The following SH3RF3 variants were observed in gnomAD, a reference collection of about 807,000 sequenced individuals.
SH3RF3 encodes the protein SH3 domain containing ring finger 3.
Under a neutral mutation model 66.3 loss-of-function variants are expected in SH3RF3, and 29 were observed. The observed-to-expected ratio is 0.44, with a 90% CI of 0.33 to 0.60. SH3RF3 has a LOEUF of 0.60. Ranked by LOEUF, SH3RF3 falls within the 20% of genes least tolerant of loss-of-function variation. SH3RF3 has a pLI of 0.04. For missense variants in SH3RF3, 1,194 were observed against 1,190.9 expected (o/e 1.00, Z -0.04); for synonymous variants, 583 against 532.0 (o/e 1.10, Z -1.32).
chr2:109,420,367 G>A (rs1676839238), intron 5 of SH3RF3, among the ~76,000 whole-genome samples: 1 of 150,694 alleles, frequency 6.6e-6, no homozygotes, highest in Non-Finnish European at 1.5e-5. Context: ...TGAATGCAGG[G>A]TGGGTAGACG....
intron 5 of SH3RF3, among the ~76,000 whole-genome samples, chr2:109,429,901 G>A (rs1677144632): frequency 6.6e-6 from 1 of 152,166 alleles, no homozygotes; most frequent in South Asian, 2.1e-4. Flanking sequence ...GTAGCCTGGA[G>A]GGAGAAGTGG....
intron 4 of SH3RF3, among the ~76,000 whole-genome samples, chr2:109,404,704 C>G (rs1676410131): frequency 1.3e-5 from 2 of 152,106 alleles, no homozygotes; most frequent in South Asian, 4.2e-4. Flanking sequence ...TTGCGGAAGG[C>G]CCATTCTCAT....
chr2:109,336,976 A>G (rs1226046889), intron 1 of SH3RF3, among the ~76,000 whole-genome samples: 1 of 152,206 alleles, frequency 6.6e-6, no homozygotes, highest in Non-Finnish European at 1.5e-5. Flanking sequence ...AATTAGTGTA[A>G]AGCAGACAAA....
chr2:109,181,426 G>A (rs930940171), intron 1 of SH3RF3, among the ~76,000 whole-genome samples: 1 of 152,122 alleles, frequency 6.6e-6, no homozygotes, highest in African/African-American at 2.4e-5. Context: ...AGTCTAGAAT[G>A]GCATGTTGCA....
chr2:109,246,997 C>G (rs114856302), intron 1 of SH3RF3, among the ~76,000 whole-genome samples: 200 of 152,366 alleles, frequency 1.3e-3, no homozygotes, highest in African/African-American at 4.4e-3. Context: ...TGGTTAGTCT[C>G]TTTCTGGTCG....
intron 1 of SH3RF3, chr2:109,251,498 A>G (rs1291842344): frequency 1.3e-5 from 10 of 742,384 alleles, no homozygotes. Flanking sequence ...GGTGGCAGAC[A>G]TGTCCAAGGA....
chr2:109,293,342 G>A (rs1399289510), intron 1 of SH3RF3, among the ~76,000 whole-genome samples: 1 of 152,248 alleles, frequency 6.6e-6, no homozygotes, highest in Non-Finnish European at 1.5e-5. Context: ...GTGTCCATTT[G>A]TGTGTCATCA....
At chr2:109,194,740 G>A (rs17197448) in intron 1 of SH3RF3, among the ~76,000 whole-genome samples, 4,594 of 152,294 alleles carry the variant, frequency 0.03, 98 homozygotes, top group Non-Finnish European at 0.045. Flanking sequence ...GCAGGCCGGG[G>A]ATGCTTCCAA....
rs137975399 is a variant in SH3RF3 at position 109,403,244 on chromosome 2, C to T, written c.1299+4301C>T. ...GCGCACTGTCCGAGGCTGGCCTCCT[C>T]CCCGCAGCTGTTAGGGGTGCGTCTG... is the stretch of plus-strand genomic sequence containing the variant. On this transcript the variant is annotated intron_variant, in intron 4 of 9. Transcript: ENST00000309415. Among the ~76,000 whole-genome samples, 55 of 152,338 alleles carry T rather than the reference C, an allele frequency of 3.6e-4. No homozygotes were observed. The East Asian group carries it at 0.01, about 29-fold the overall frequency.
intron 9 of SH3RF3, among the ~76,000 whole-genome samples, chr2:109,499,724 G>A (rs1405716649): frequency 6.6e-6 from 1 of 152,216 alleles, no homozygotes; most frequent in African/African-American, 2.4e-5. Flanking sequence ...CCTCCTCTGT[G>A]GCTTGCAGGA....
rs2104586787 is a variant in SH3RF3 at position 109,437,048 on chromosome 2, C to T, written c.1730C>T (p.Ala577Val). 1 of 1,613,836 alleles carries T rather than the reference C, an allele frequency of 6.2e-7. No individual in the cohort carries two copies. Among genetic ancestry groups the T allele is most frequent in the Non-Finnish European group, 8.5e-7 (1 of 1,179,898 alleles). ...GCCCTGCCCATCACCACTCCCCAGG[C>T]CCACGCCCAGCACCCCACAGCCTCG... Reference protein sequence around the residue: ...RPALPITTPQAHAQHPTASPP... With the variant: ...RPALPITTPQVHAQHPTASPP... Residue 577 changes from alanine (A) to valine (V), a missense_variant, in exon 7 of 10, where the codon GCC becomes GTC. By Grantham distance (64) the Ala-to-Val change is moderately conservative (BLOSUM62 0). Coordinates refer to ENST00000309415, the MANE Select transcript of SH3RF3 (RefSeq NM_001099289.3).
chr2:109,362,233 G>A (rs866230757), intron 2 of SH3RF3, among the ~76,000 whole-genome samples: 17 of 151,896 alleles, frequency 1.1e-4, no homozygotes, highest in African/African-American at 3.1e-4. Flanking sequence ...CTACTTTTGC[G>A]GCATCTCACA....
chr2:109,477,564 C>T (rs1678716198), intron 8 of SH3RF3, among the ~76,000 whole-genome samples: 1 of 152,282 alleles, frequency 6.6e-6, no homozygotes, highest in Middle Eastern at 3.4e-3. Flanking sequence ...ACTGGGGTCA[C>T]AGCGCCTGTT....
chr2:109,449,267 C>T lies in SH3RF3; in HGVS notation c.1926C>T (p.Leu642=), dbSNP rs755003149. The change falls in exon 8 of 10, where the codon CTC becomes CTT. Residue 642 remains leucine (L), a synonymous_variant. Transcript: ENST00000309415. The stretch of plus-strand genomic sequence containing the variant: ...CATCCCGCCTGCCTGCCACCAGCCT[C>T]AGGCCCCACTCGGTGGTGTCCCCGC... ...NSPSRLPATS[L]RPHSVVSPQH... 9.9e-6 allele frequency: 16 copies of T among 1,612,254 alleles called. No homozygotes were observed. Among genetic ancestry groups the T allele is most frequent in the African/African-American group, 2.7e-5 (2 of 74,902 alleles).
chr2:109,162,402 T>C (rs1364720016), intron 1 of SH3RF3, among the ~76,000 whole-genome samples: 3 of 152,156 alleles, frequency 2.0e-5, no homozygotes, highest in Non-Finnish European at 4.4e-5. Flanking sequence ...TTTTTAAATT[T>C]ATTTATTTAT....
At chr2:109,457,018 C>A (rs1678078669) in intron 8 of SH3RF3, among the ~76,000 whole-genome samples, 1 of 152,164 alleles carries the variant, frequency 6.6e-6, no homozygotes, top group Non-Finnish European at 1.5e-5. Flanking sequence ...CTGGGGTCGG[C>A]TGCCTAGTGT....
intron 8 of SH3RF3, among the ~76,000 whole-genome samples, chr2:109,455,389 A>G (rs926421201): frequency 1.3e-5 from 2 of 152,184 alleles, no homozygotes; most frequent in East Asian, 1.9e-4. Context: ...TGCAAACCCA[A>G]TTTGGTCTGA....
intron 1 of SH3RF3, among the ~76,000 whole-genome samples, chr2:109,295,861 C>G (rs979238159): frequency 1.9e-4 from 29 of 152,156 alleles, no homozygotes; most frequent in Admixed American, 2.6e-4. Context: ...TGAAGCTGGA[C>G]TCTCTCTCAG....
chr2:109,500,654 A>G (rs760516523), intron 9 of SH3RF3, among the ~76,000 whole-genome samples: 1 of 152,336 alleles, frequency 6.6e-6, no homozygotes, highest in East Asian at 1.9e-4. Context: ...GAGCACATTT[A>G]AAAATAAGGA....
Sources: gnomAD v4.1 joint callset for allele counts (sites outside exome capture counted in the v4.1 genomes callset) on GRCh38, gnomAD v4.1.1 for gene constraint, MANE v1.5 for transcripts, NCBI Gene and HGNC (gene_info 2026-07-23, HGNC 2026-07-21) for gene names.